LIMS4: variants seen among roughly 807,000 people sequenced by gnomAD.
LIMS4 encodes LIM zinc finger domain containing 4.
At chr2:110,392,110 A>G in the LIMS4 span, among the ~76,000 whole-genome samples, 1 of 152,092 alleles carries the variant, frequency 6.6e-6, no homozygotes, top group Non-Finnish European at 1.5e-5. Context: ...TGTGCATTCT[A>G]TTTTCTTTTC....
At chr2:110,397,296 G>A in the LIMS4 span, 1 of 137,402 alleles carries the variant, frequency 7.3e-6, no homozygotes, top group South Asian at 2.4e-4. Flanking sequence ...TCATACTTTT[G>A]TCTATTATAG....
At chr2:110,359,432 AGTAAAG>A in the LIMS4 span, among the ~76,000 whole-genome samples, 2 of 51,540 alleles carry the variant, frequency 3.9e-5, no homozygotes, top group Non-Finnish European at 8.6e-5. Context: ...ACTGCATTTT[AGTAAAG>A]CAGAACTGCC....
chr2:110,390,131 C>G, the LIMS4 span, among the ~76,000 whole-genome samples: 1 of 127,210 alleles, frequency 7.9e-6, no homozygotes, highest in African/African-American at 3.5e-5. Flanking sequence ...GCTCAGAAAG[C>G]CTCCGTTGCC....
At chr2:110,382,094 AAAAAATATATAT>A in the LIMS4 span, among the ~76,000 whole-genome samples, 91 of 83,928 alleles carry the variant, frequency 1.1e-3, no homozygotes, top group Non-Finnish European at 1.6e-3. Context: ...AAAAAAAAAA[AAAAAATATATAT>A]ATATATATAT....
the LIMS4 span, chr2:110,362,873 GA>G: frequency 6.8e-6 from 2 of 292,934 alleles, no homozygotes; most frequent in Non-Finnish European, 1.2e-5. Context: ...ACACTTGGCA[GA>G]GTTCAGAGGT....
At chr2:110,433,521 T>A in the LIMS4 span, 29,364 of 147,046 alleles carry the variant, frequency 0.2, 4,102 homozygotes, top group Non-Finnish European at 0.25. Flanking sequence ...CCCAGTACGT[T>A]CCTATGATAG....
At chr2:110,397,072 G>A in the LIMS4 span, among the ~76,000 whole-genome samples, 1 of 12,108 alleles carries the variant, frequency 8.3e-5, no homozygotes, top group African/African-American at 2.7e-4. Flanking sequence ...AGGCCTGCAG[G>A]CTGGGAGTTC....
chr2:110,361,061 G>A, the LIMS4 span: 50 of 1,085,100 alleles, frequency 4.6e-5, 1 homozygote, highest in Middle Eastern at 3.0e-4. Context: ...CTCCAGAACC[G>A]GTTCTTTCAA....
chr2:110,382,059 C>G, the LIMS4 span, among the ~76,000 whole-genome samples: 2 of 24,450 alleles, frequency 8.2e-5, no homozygotes, highest in East Asian at 4.3e-3. Flanking sequence ...GAGTAAGACT[C>G]CGTCTCAAAA....
chr2:110,392,189 C>T, the LIMS4 span, among the ~76,000 whole-genome samples: 1 of 151,936 alleles, frequency 6.6e-6, no homozygotes, highest in Non-Finnish European at 1.5e-5. Flanking sequence ...GTGGTTTTAC[C>T]CTCTATCTCT....
chr2:110,425,660 T>G, the LIMS4 span, among the ~76,000 whole-genome samples: 1,149 of 142,540 alleles, frequency 8.1e-3, 110 homozygotes, highest in Middle Eastern at 0.017. Context: ...TTGAAGCTTA[T>G]GAAAGACTCA....
the LIMS4 span, among the ~76,000 whole-genome samples, chr2:110,422,956 GC>G: frequency 1.5e-4 from 22 of 145,972 alleles, no homozygotes; most frequent in Non-Finnish European, 2.8e-4. Context: ...ACTTCTGACG[GC>G]CCATCATATT....
chr2:110,379,191 C>CTTGG, the LIMS4 span, among the ~76,000 whole-genome samples: 80 of 151,806 alleles, frequency 5.3e-4, no homozygotes, highest in South Asian at 0.011. Flanking sequence ...TGATCGGTTA[C>CTTGG]TTGGTTGGTT....
At chr2:110,395,966 C>A in the LIMS4 span, among the ~76,000 whole-genome samples, 2 of 141,258 alleles carry the variant, frequency 1.4e-5, no homozygotes, top group African/African-American at 5.8e-5. Context: ...ACTGACAGAC[C>A]ACAGGGTGGG....
At chr2:110,372,039 T>C in the LIMS4 span, among the ~76,000 whole-genome samples, 4 of 142,056 alleles carry the variant, frequency 2.8e-5, no homozygotes, top group African/African-American at 5.6e-5. Flanking sequence ...CCCGAGAGAG[T>C]GGACGTCAGA....
chr2:110,390,759 C>T, the LIMS4 span, among the ~76,000 whole-genome samples: 1 of 151,644 alleles, frequency 6.6e-6, no homozygotes, highest in Admixed American at 6.6e-5. Context: ...AAAGCACTTA[C>T]CTTGTTCCAG....
the LIMS4 span, among the ~76,000 whole-genome samples, chr2:110,365,904 C>T: frequency 1.4e-5 from 2 of 148,068 alleles, no homozygotes; most frequent in Non-Finnish European, 3.0e-5. Flanking sequence ...CACCTCTAGG[C>T]ACACAAACTA....
chr2:110,382,936 G>A, the LIMS4 span: 1 of 140,098 alleles, frequency 7.1e-6, no homozygotes, highest in South Asian at 2.3e-4. Context: ...ACACAACTCT[G>A]TGAATATATA....
At chr2:110,386,812 G>T in the LIMS4 span, 5 of 679,654 alleles carry the variant, frequency 7.4e-6, no homozygotes, top group Non-Finnish European at 1.3e-5. Context: ...CCAGCAGGAA[G>T]TCCAGTCAGA....
Sources: gnomAD v4.1 joint callset for allele counts (sites outside exome capture counted in the v4.1 genomes callset) on GRCh38, gnomAD v4.1.1 for gene constraint, MANE v1.5 for transcripts, NCBI Gene and HGNC (gene_info 2026-07-23, HGNC 2026-07-21) for gene names.